Variants in GABRG2 observed in about 807,000 individuals in gnomAD.
GABRG2 encodes gamma-aminobutyric acid receptor subunit gamma-2.
A neutral mutation model predicts 56.4 loss-of-function variants in GABRG2; 16 were observed. The ratio of observed to expected loss-of-function variants is 0.28; its 90% CI spans 0.19 to 0.43. GABRG2 has a LOEUF of 0.43. Among genes scored for constraint, GABRG2 ranks in the 20% least tolerant of loss-of-function variants. The pLI is 1.00. For missense variants in GABRG2, 327 were observed against 582.7 expected, an observed-to-expected ratio of 0.56 and a Z score of 4.52; for synonymous variants, 208 against 205.5, an observed-to-expected ratio of 1.01 and a Z score of -0.10.
chr5:162,138,579 G>A (rs1242683382), intron 6 of GABRG2, among the ~76,000 whole-genome samples: 1 of 151,832 alleles, frequency 6.6e-6, no homozygotes, highest in African/African-American at 2.4e-5. Flanking sequence ...AAATATCTGT[G>A]GACTTAAAAA....
chr5:162,140,943 A>G (rs534925075), intron 6 of GABRG2, among the ~76,000 whole-genome samples: 15 of 152,224 alleles, frequency 9.9e-5, no homozygotes, highest in Non-Finnish European at 2.1e-4. Context: ...AATTGTTCTC[A>G]TGCATCGCTA....
chr5:162,150,014 ATT>A (rs969610316), intron 8 of GABRG2: 1 of 173,008 alleles, frequency 5.8e-6, no homozygotes, highest in African/African-American at 2.4e-5. Flanking sequence ...GGCTGACTAC[ATT>A]TTTGCAAATG....
intron 2 of GABRG2, 193 bp downstream of exon 2, chr5:162,094,172 A>G: frequency 1.7e-6 from 1 of 596,092 alleles, no homozygotes; most frequent in Non-Finnish European, 2.9e-6. Flanking sequence ...AAATGAAGAA[A>G]TATTATTTTC....
chr5:162,072,314 G>A (rs893436307), intron 1 of GABRG2, among the ~76,000 whole-genome samples: 16 of 151,940 alleles, frequency 1.1e-4, no homozygotes, highest in African/African-American at 3.6e-4. Flanking sequence ...TCCAAGACAG[G>A]CTTTTCAGTT....
intron 6 of GABRG2, among the ~76,000 whole-genome samples, chr5:162,128,655 T>C (rs1234750276): frequency 6.6e-6 from 1 of 151,998 alleles, no homozygotes; most frequent in Non-Finnish European, 1.5e-5. Context: ...GAAGCTCTGA[T>C]ACTGTACTTC....
intron 7 of GABRG2, among the ~76,000 whole-genome samples, chr5:162,145,813 T>C (rs1475214801): frequency 1.3e-5 from 2 of 152,172 alleles, no homozygotes; most frequent in Non-Finnish European, 2.9e-5. Flanking sequence ...TCAGGCCTGA[T>C]TGTAAAATGA....
At chr5:162,076,622 A>G (rs893041212) in intron 1 of GABRG2, among the ~76,000 whole-genome samples, 3 of 152,174 alleles carry the variant, frequency 2.0e-5, no homozygotes, top group African/African-American at 7.2e-5. Context: ...AAGACATTGT[A>G]AAACATTATC....
At chr5:162,144,665 A>T (rs763381439) in intron 7 of GABRG2, among the ~76,000 whole-genome samples, 1 of 152,188 alleles carries the variant, frequency 6.6e-6, no homozygotes, top group Non-Finnish European at 1.5e-5. Flanking sequence ...AGGTTAGATG[A>T]CATCCACAAA....
intron 6 of GABRG2, among the ~76,000 whole-genome samples, chr5:162,131,204 A>T (rs1335914624): frequency 6.6e-6 from 1 of 152,030 alleles, no homozygotes; most frequent in African/African-American, 2.4e-5. Context: ...GTCCAGCTGA[A>T]TATGTGTACT....
At chr5:162,092,885 G>A (rs995754081) in intron 1 of GABRG2, among the ~76,000 whole-genome samples, 2 of 152,054 alleles carry the variant, frequency 1.3e-5, no homozygotes, top group African/African-American at 4.8e-5. Context: ...GATAAAAATG[G>A]AAATGGCAGC....
intron 5 of GABRG2, chr5:162,103,149 A>T (rs191025151): frequency 5.2e-5 from 8 of 153,848 alleles, no homozygotes; most frequent in Admixed American, 5.1e-4. Context: ...TATCCTCCCT[A>T]TAAGAGGACA....
At chr5:162,148,612 T>C (rs1765130734) in intron 7 of GABRG2, among the ~76,000 whole-genome samples, 2 of 152,178 alleles carry the variant, frequency 1.3e-5, no homozygotes, top group African/African-American at 2.4e-5. Context: ...CCTTCCCAGG[T>C]GCCAGGTCTT....
intron 6 of GABRG2, among the ~76,000 whole-genome samples, chr5:162,125,559 C>T (rs1371679663): frequency 6.6e-6 from 1 of 151,726 alleles, no homozygotes; most frequent in Non-Finnish European, 1.5e-5. Flanking sequence ...AGTTTTTAAA[C>T]ACTACTTGTT....
At chr5:162,097,925 TA>T (rs1364991094) in intron 4 of GABRG2, 67 bp downstream of exon 4, 44 of 1,363,686 alleles carry the variant, frequency 3.2e-5, no homozygotes, top group Non-Finnish European at 4.5e-5. Context: ...AAATCAACCT[TA>T]AGTCTCTAAA....
chr5:162,108,114 AG>A (rs1437571417), intron 6 of GABRG2, among the ~76,000 whole-genome samples: 1 of 152,206 alleles, frequency 6.6e-6, no homozygotes, highest in African/African-American at 2.4e-5. Context: ...ACTGCAGATG[AG>A]AAAATTGAGA....
At chr5:162,122,177 T>C (rs1395952619) in intron 6 of GABRG2, among the ~76,000 whole-genome samples, 1 of 152,010 alleles carries the variant, frequency 6.6e-6, no homozygotes, top group Non-Finnish European at 1.5e-5. Flanking sequence ...TTTGACAAGA[T>C]ATATATTTAT....
rs78261481 is a variant in GABRG2, at chr5:162,103,974, A to G, written c.717A>G (p.Gln239=). The G allele has an allele frequency of 9.1e-4, 1,474 of 1,614,018 alleles. 14 individuals are homozygous for G. In the African/African-American group the frequency reaches 0.018, roughly 19 times the overall value. Reference sequence around the variant, plus strand: ...ACACAAGATCCTGGAGGCTTTATCAATTCTCATTTGTTGGTCTAAGAAATA... The same window carrying G: ...ACACAAGATCCTGGAGGCTTTATCAGTTCTCATTTGTTGGTCTAAGAAATA... The part of the protein sequence containing the change: ...VGDTRSWRLY[Q]FSFVGLRNTT... Residue 239 remains glutamine (Q), a synonymous_variant, in exon 6 of 10, where the codon CAA becomes CAG. Transcript: ENST00000639213.
intron 9 of GABRG2, 187 bp from the exon 10 acceptor site, chr5:162,152,906 A>G (rs1427871255): frequency 2.0e-5 from 14 of 709,096 alleles, no homozygotes; most frequent in South Asian, 1.6e-4. Context: ...CTTAAGCTCA[A>G]AATTTGAAAT....
intron 6 of GABRG2, among the ~76,000 whole-genome samples, chr5:162,105,749 G>C (rs1027589413): frequency 8.6e-5 from 13 of 150,840 alleles, no homozygotes; most frequent in African/African-American, 3.2e-4. Flanking sequence ...CTTTCATCTG[G>C]TTCAAAAAGG....
Sources: gnomAD v4.1 joint callset for allele counts (sites outside exome capture counted in the v4.1 genomes callset) on GRCh38, gnomAD v4.1.1 for gene constraint, MANE v1.5 for transcripts, NCBI Gene and HGNC (gene_info 2026-07-23, HGNC 2026-07-21) for gene names.